The following CACNA1C variants were observed in gnomAD, a reference collection of about 807,000 sequenced individuals.
The protein encoded by CACNA1C is voltage-dependent L-type calcium channel subunit alpha-1C.
Under a neutral mutation model 229.0 loss-of-function variants are expected in CACNA1C, and 30 were observed. The observed-to-expected ratio is 0.13, with a 90% confidence interval of 0.10 to 0.18. CACNA1C has a LOEUF of 0.18. Among genes scored for constraint, CACNA1C ranks in the 10% least tolerant of loss-of-function variants. CACNA1C has a pLI of 1.00. For missense variants in CACNA1C, 1,658 were observed against 2,845.0 expected (o/e 0.58, Z 9.49); for synonymous variants, 1,114 against 1,132.5 (o/e 0.98, Z 0.33).
At chr12:2,228,441 CCTT>C (rs1453080057) in intron 3 of CACNA1C, among the ~76,000 whole-genome samples, 4 of 152,210 alleles carry the variant, frequency 2.6e-5, no homozygotes, top group African/African-American at 9.7e-5. Context: ...ATCTCTCTGT[CCTT>C]CTGCTTCTCT....
intron 13 of CACNA1C, among the ~76,000 whole-genome samples, chr12:2,570,610 G>A (rs1279169793): frequency 6.6e-6 from 1 of 152,178 alleles, no homozygotes; most frequent in African/African-American, 2.4e-5. Flanking sequence ...TGAGCTCAGA[G>A]AGATGGAAAA....
At chr12:2,299,864 T>C (rs184601781) in intron 3 of CACNA1C, among the ~76,000 whole-genome samples, 60 of 152,224 alleles carry the variant, frequency 3.9e-4, no homozygotes, top group East Asian at 5.8e-4. Context: ...ATGTCATCAT[T>C]TGTAAAATGA....
chr12:2,682,644 G>A lies in CACNA1C; in HGVS notation c.5539G>A (p.Ala1847Thr). The A allele has an allele frequency of 6.2e-7, 1 of 1,612,052 alleles. No individual in the cohort carries two copies. The change falls in exon 43 of 47, where the codon GCC becomes ACC. Residue 1847 changes from alanine to threonine, a missense_variant. Physicochemically the swap from Ala to Thr is moderately conservative, Grantham distance 58. Around this residue, in one of 20 missense-constraint regions of CACNA1C, gnomAD observed 590 missense variants for 700.8 expected, o/e 0.84. Transcript: ENST00000399655. ...AGTGAAGATGAACCATGACACGGAGGCCTGCAGTGAGCCCAGCCTGCTCTC... is the reference window on the plus strand; with the variant it reads ...AGTGAAGATGAACCATGACACGGAGACCTGCAGTGAGCCCAGCCTGCTCTC... ...YEVKMNHDTE[A>T]CSEPSLLSTE...
intron 1 of CACNA1C, among the ~76,000 whole-genome samples, chr12:2,042,229 A>T (rs888488091): frequency 6.6e-6 from 1 of 152,108 alleles, no homozygotes; most frequent in East Asian, 1.9e-4. Flanking sequence ...ATTTTACCCT[A>T]ATACGATATA....
rs1025629391 is a variant in CACNA1C at position 2,694,454 on chromosome 12, G to A, written c.*3255G>A. On this transcript the variant is annotated 3_prime_UTR_variant, in exon 47 of 47. Coordinates refer to ENST00000399655, the MANE Select transcript of CACNA1C (RefSeq NM_000719.7). ...TTGGTCAACTTAATTCTTGTCCTCC[G>A]ACCAGCCCTGCCTCTTTCATTTCCA... 2 of 152,216 alleles carry A rather than the reference G, an allele frequency of 1.3e-5. No individual in the cohort carries two copies. The highest frequency in any genetic ancestry group is 6.5e-5 in the Admixed American group (1 of 15,270). 9.4% of individuals were successfully genotyped at this position (152,216 alleles called of 1,614,324 possible).
intron 3 of CACNA1C, among the ~76,000 whole-genome samples, chr12:2,370,352 G>A (rs111790437): frequency 0.02 from 2,994 of 152,250 alleles, 36 homozygotes; most frequent in Non-Finnish European, 0.027. Context: ...TTCCATCTAG[G>A]AATTTGGGCT....
intron 3 of CACNA1C, among the ~76,000 whole-genome samples, chr12:2,436,784 G>T (rs542627545): frequency 3.4e-4 from 52 of 152,332 alleles, no homozygotes; most frequent in African/African-American, 1.2e-3. Flanking sequence ...AACTCGGAAT[G>T]ACTTTCACAA....
At chr12:2,675,891 C>T (rs1203846326) in intron 39 of CACNA1C, 2 of 152,192 alleles carry the variant, frequency 1.3e-5, no homozygotes, top group Admixed American at 6.5e-5. Flanking sequence ...TAAAAACCAC[C>T]CCACACATTT....
At position 2,664,891 on chromosome 12, in the gene CACNA1C, A is replaced by G. The variant is rs1350699469; in HGVS notation, c.4299A>G (p.Pro1433=). ...GCATGCCAGGCAAGAAGTGTGCCCC[A>G]GAGTCCGAGCCCAGCAACAGCACGG... ...LACMPGKKCA[P]ESEPSNSTEG... Residue 1433 remains proline (P), a synonymous_variant, in exon 35 of 47, where the codon CCA becomes CCG. Transcript: ENST00000399655. The G allele has an allele frequency of 6.2e-7, 1 of 1,613,530 alleles. No homozygotes were observed. Among genetic ancestry groups the G allele is most frequent in the African/African-American group, 1.3e-5 (1 of 75,046 alleles).
At chr12:2,179,708 C>T (rs2096774057) in intron 3 of CACNA1C, among the ~76,000 whole-genome samples, 1 of 152,160 alleles carries the variant, frequency 6.6e-6, no homozygotes. Flanking sequence ...TGGAGACTGG[C>T]AAAGAGTAGC....
intron 9 of CACNA1C, among the ~76,000 whole-genome samples, chr12:2,531,008 A>C (rs1394952610): frequency 1.3e-5 from 2 of 152,172 alleles, no homozygotes; most frequent in African/African-American, 4.8e-5. Context: ...TTTTATATTC[A>C]TGTGCTTTTG....
At position 2,120,233 on chromosome 12, in the gene CACNA1C, A is replaced by G. The variant is rs2085956637; in HGVS notation, c.372-92A>G. 4 of 785,060 alleles carry G rather than the reference A, an allele frequency of 5.1e-6. No homozygotes were observed. The South Asian group carries it at 5.7e-5, about 11-fold the overall frequency. The allele number at this position is 785,060 out of a possible 1,614,324, so 48.6% of individuals were successfully genotyped here. A position where few individuals can be genotyped will look rare whatever the true frequency, so the allele number is the denominator to read the frequency against. Reference sequence around the variant, plus strand: ...AATGCATTGTTTAAACAAAATTCTTATGAATCTTTGATTCATTTTAAAAAA... The same window carrying G: ...AATGCATTGTTTAAACAAAATTCTTGTGAATCTTTGATTCATTTTAAAAAA... On this transcript the variant is annotated intron_variant, in intron 2 of 46. Transcript: ENST00000399655.
intron 3 of CACNA1C, among the ~76,000 whole-genome samples, chr12:2,264,362 G>C (rs887049894): frequency 6.6e-6 from 1 of 152,218 alleles, no homozygotes; most frequent in Non-Finnish European, 1.5e-5. Flanking sequence ...GAAATTGGCA[G>C]ATCAGAAGCC....
intron 1 of CACNA1C, among the ~76,000 whole-genome samples, chr12:2,019,264 C>T (rs1437262555): frequency 5.3e-5 from 8 of 152,002 alleles, no homozygotes; most frequent in South Asian, 2.1e-4. Flanking sequence ...AAGTTCAAGA[C>T]CAGCCTGGGC....
rs144051087 is a variant in CACNA1C at position 2,529,849 on chromosome 12, C to T, written c.1390+16865C>T. On this transcript the variant is annotated intron_variant, in intron 9 of 46. Coordinates refer to ENST00000399655, the MANE Select transcript of CACNA1C (RefSeq NM_000719.7). ...ATCCTTTCTCAGGAAGGCCAGCTAGCCAGCTAAGAATAGCAGTCAGGAAAT... is the reference window on the plus strand; with the variant it reads ...ATCCTTTCTCAGGAAGGCCAGCTAGTCAGCTAAGAATAGCAGTCAGGAAAT... 3.4e-3 allele frequency among the ~76,000 whole-genome samples: 511 copies of T among 152,314 alleles called. 5 individuals are homozygous for T. The highest frequency in any genetic ancestry group is 0.012 in the African/African-American group (504 of 41,558).
At chr12:2,336,396 G>A (rs967834949) in intron 3 of CACNA1C, among the ~76,000 whole-genome samples, 5 of 152,168 alleles carry the variant, frequency 3.3e-5, no homozygotes, top group East Asian at 1.9e-4. Flanking sequence ...TTAAAGAGCC[G>A]TGTTTGACTC....
At chr12:2,196,535 C>T (rs1454627667) in intron 3 of CACNA1C, among the ~76,000 whole-genome samples, 1 of 152,180 alleles carries the variant, frequency 6.6e-6, no homozygotes, top group African/African-American at 2.4e-5. Context: ...ATTTAGTTTT[C>T]CAGGCTGGCC....
intron 1 of CACNA1C, among the ~76,000 whole-genome samples, chr12:2,074,513 T>C (rs1434610086): frequency 6.6e-6 from 1 of 152,128 alleles, no homozygotes; most frequent in African/African-American, 2.4e-5. Context: ...CCTGCTCTTC[T>C]TCCTTTGTAC....
chr12:2,126,007 G>A (rs1410935123), intron 3 of CACNA1C, among the ~76,000 whole-genome samples: 2 of 152,190 alleles, frequency 1.3e-5, no homozygotes, highest in South Asian at 2.1e-4. Context: ...AGATTCCCTC[G>A]CAAACGCATC....
Sources: allele counts gnomAD v4.1 joint callset (sites outside exome capture counted in the v4.1 genomes callset), GRCh38; gene constraint gnomAD v4.1.1; regional missense constraint gnomAD v4.1.1; transcripts MANE v1.5; gene names NCBI Gene and HGNC (gene_info 2026-07-23, HGNC 2026-07-21).